The following TWSG1 variants were observed in gnomAD, a reference collection of about 807,000 sequenced individuals.
The protein encoded by TWSG1 is twisted gastrulation protein homolog 1.
A neutral mutation model predicts 23.0 loss-of-function variants in TWSG1; 15 were observed. That is an observed-to-expected ratio of 0.65 (90% confidence interval 0.44 to 1.00). TWSG1 has a LOEUF of 1.00. Among genes scored for constraint, TWSG1 ranks in the 50% least tolerant of loss-of-function variants. The pLI, the probability that TWSG1 is intolerant of heterozygous loss-of-function variation, is 0.00. For synonymous variants in TWSG1, 86 were observed against 92.8 expected, an observed-to-expected ratio of 0.93 and a Z score of 0.42; for missense variants, 242 against 278.7, an observed-to-expected ratio of 0.87 and a Z score of 0.94.
chr18:9,339,658 C>T lies in TWSG1; in HGVS notation c.123+2306C>T, dbSNP rs547694592. On this transcript the variant is annotated intron_variant, in intron 2 of 4. Transcript: ENST00000262120. Reference sequence around the variant, plus strand: ...AAAAAATTACAATTACAAAAATTAGCTGAGCATGGCGGTGCATGCTTGTAA... The same window carrying T: ...AAAAAATTACAATTACAAAAATTAGTTGAGCATGGCGGTGCATGCTTGTAA... 5.3e-5 allele frequency among the ~76,000 whole-genome samples: 8 copies of T among 152,178 alleles called. No individual in the cohort carries two copies. In the South Asian group the frequency reaches 1.7e-3, roughly 32 times the overall value.
At chr18:9,338,941 G>A (rs1463291753) in intron 2 of TWSG1, among the ~76,000 whole-genome samples, 3 of 152,254 alleles carry the variant, frequency 2.0e-5, no homozygotes, top group African/African-American at 4.8e-5. Context: ...CTCATGCCTC[G>A]TAATCCCAGC....
At chr18:9,364,785 CTCTG>C (rs1018240351) in intron 3 of TWSG1, among the ~76,000 whole-genome samples, 2 of 150,478 alleles carry the variant, frequency 1.3e-5, no homozygotes, top group African/African-American at 4.9e-5. Context: ...CAGAGGGAGA[CTCTG>C]TCTCAGAAAA....
intron 3 of TWSG1, among the ~76,000 whole-genome samples, chr18:9,364,156 GT>G (rs1191686284): frequency 6.6e-6 from 1 of 152,154 alleles, no homozygotes; most frequent in East Asian, 1.9e-4. Flanking sequence ...AAACTAGTCA[GT>G]CATGATTGGT....
At chr18:9,377,785 T>G (rs1186129624) in intron 3 of TWSG1, among the ~76,000 whole-genome samples, 1 of 152,112 alleles carries the variant, frequency 6.6e-6, no homozygotes, top group African/African-American at 2.4e-5. Flanking sequence ...AGTGGCATGA[T>G]GTCAGCTCAC....
chr18:9,392,039 A>T (rs1052266022), intron 3 of TWSG1, among the ~76,000 whole-genome samples: 2 of 152,220 alleles, frequency 1.3e-5, no homozygotes, highest in South Asian at 4.1e-4. Context: ...GGGTAGGTTT[A>T]GCATAAATCT....
chr18:9,352,447 G>C (rs2040506391), intron 2 of TWSG1, among the ~76,000 whole-genome samples: 1 of 152,062 alleles, frequency 6.6e-6, no homozygotes, highest in Non-Finnish European at 1.5e-5. Flanking sequence ...AAATACCTAG[G>C]AATGGGATTG....
chr18:9,382,540 G>T (rs932792403), intron 3 of TWSG1, among the ~76,000 whole-genome samples: 5 of 150,464 alleles, frequency 3.3e-5, no homozygotes, highest in Non-Finnish European at 7.4e-5. Context: ...AAGGCTGGGT[G>T]CGGTGGCTCA....
intron 2 of TWSG1, among the ~76,000 whole-genome samples, chr18:9,357,068 G>A (rs1225401809): frequency 1.3e-5 from 2 of 150,218 alleles, no homozygotes; most frequent in South Asian, 2.1e-4. Context: ...CAAAGACAAA[G>A]TATAGCTTTG....
intron 3 of TWSG1, among the ~76,000 whole-genome samples, chr18:9,367,400 A>G (rs1021910357): frequency 6.6e-6 from 1 of 152,098 alleles, no homozygotes. Flanking sequence ...CTGTGAGTTC[A>G]ACTTTTTTAG....
At chr18:9,359,894 AG>A in intron 2 of TWSG1, 77 bp from the exon 3 acceptor site, 1 of 1,071,942 alleles carries the variant, frequency 9.3e-7, no homozygotes, top group East Asian at 2.5e-5. Context: ...CAAATATGGC[AG>A]GGTTTTTTGC....
rs1467785515 is a variant in TWSG1, at chr18:9,400,663, G to A, written c.*1136G>A. ...TGGATATAATGTTCTTTTTAAACAA[G>A]TATAATCATATCGTCGGAGGTTAAG... On this transcript the variant is annotated 3_prime_UTR_variant, in exon 5 of 5. Coordinates refer to ENST00000262120, the MANE Select transcript of TWSG1 (RefSeq NM_020648.6). 1 of 152,124 alleles carries A rather than the reference G, an allele frequency of 6.6e-6. No homozygotes were observed. The highest frequency in any genetic ancestry group is 1.5e-5 in the Non-Finnish European group (1 of 68,028). 9.4% of individuals were successfully genotyped at this position (152,124 alleles called of 1,614,324 possible). A position where few individuals can be genotyped will look rare whatever the true frequency, so the allele number is the denominator to read the frequency against.
intron 2 of TWSG1, among the ~76,000 whole-genome samples, chr18:9,358,316 G>C (rs1168977654): frequency 6.6e-6 from 1 of 152,074 alleles, no homozygotes; most frequent in Admixed American, 6.5e-5. Context: ...TGATCCCCTA[G>C]TTCAAATTCC....
chr18:9,377,131 C>A (rs1391329027), intron 3 of TWSG1, among the ~76,000 whole-genome samples: 1 of 152,052 alleles, frequency 6.6e-6, no homozygotes, highest in East Asian at 1.9e-4. Flanking sequence ...CCCCACAGAT[C>A]TATCAAGGGA....
chr18:9,352,186 G>A (rs1044091563), intron 2 of TWSG1, among the ~76,000 whole-genome samples: 1 of 151,970 alleles, frequency 6.6e-6, no homozygotes, highest in African/African-American at 2.4e-5. Flanking sequence ...ACAGTATATA[G>A]CCTTTTGTTC....
In TWSG1 at chr18:9,357,915, C is replaced by T. The variant is rs533341410; in HGVS notation, c.124-2057C>T. On this transcript the variant is annotated intron_variant, in intron 2 of 4. Transcript: ENST00000262120. Reference sequence around the variant, plus strand: ...ATGACAAAGCTAATGGCAGGGTTAACATCATGTCATGGGGAACAAGTGAAG... The same window carrying T: ...ATGACAAAGCTAATGGCAGGGTTAATATCATGTCATGGGGAACAAGTGAAG... Among the ~76,000 whole-genome samples, 10 of 152,152 alleles carry T rather than the reference C, an allele frequency of 6.6e-5. No homozygotes were observed. The South Asian group carries it at 1.9e-3, about 28-fold the overall frequency.
At chr18:9,370,174 T>A (rs1469132500) in intron 3 of TWSG1, among the ~76,000 whole-genome samples, 1 of 151,970 alleles carries the variant, frequency 6.6e-6, no homozygotes, top group Admixed American at 6.6e-5. Flanking sequence ...AAAAATTAGC[T>A]GGGTGTGGTG....
intron 3 of TWSG1, among the ~76,000 whole-genome samples, chr18:9,392,111 G>C (rs950422503): frequency 7.9e-5 from 12 of 152,212 alleles, no homozygotes; most frequent in Non-Finnish European, 1.8e-4. Context: ...AAAGTTACTA[G>C]CTGCATTAGA....
At chr18:9,398,974 C>T (rs1331754438) in intron 4 of TWSG1, among the ~76,000 whole-genome samples, 1 of 151,604 alleles carries the variant, frequency 6.6e-6, no homozygotes, top group African/African-American at 2.4e-5. Flanking sequence ...CACCACTGCA[C>T]TCCAGCCTGG....
At chr18:9,377,749 C>G (rs1249981157) in intron 3 of TWSG1, among the ~76,000 whole-genome samples, 1 of 151,618 alleles carries the variant, frequency 6.6e-6, no homozygotes, top group Non-Finnish European at 1.5e-5. Context: ...GACAGGGTCT[C>G]TACTCTGTTG....
Sources: allele counts gnomAD v4.1 joint callset (sites outside exome capture counted in the v4.1 genomes callset), GRCh38; gene constraint gnomAD v4.1.1; transcripts MANE v1.5; gene names NCBI Gene and HGNC (gene_info 2026-07-23, HGNC 2026-07-21).